Variants in ADA2 observed in about 807,000 individuals in gnomAD.
ADA2 encodes the protein adenosine deaminase CECR1.
ADA2 carries 29 observed loss-of-function variants against 44.2 expected under a neutral mutation model. The ratio of observed to expected loss-of-function variants is 0.66; its 90% CI spans 0.49 to 0.89. The LOEUF (loss-of-function observed/expected upper bound fraction) is 0.89. Among genes scored for constraint, ADA2 ranks in the 40% least tolerant of loss-of-function variants. The probability of loss-of-function intolerance (pLI) is 0.00; values close to 1 mark genes in which losing one functional copy is unlikely to be tolerated. For synonymous variants in ADA2, 215 were observed against 234.9 expected (o/e 0.92, Z 0.77); for missense variants, 637 against 644.8 (o/e 0.99, Z 0.13).
chr22:17,199,890 G>C, intron 4 of ADA2: 2 of 552,198 alleles, frequency 3.6e-6, no homozygotes, highest in Non-Finnish European at 2.8e-6. Context: ...GACCAGCCTG[G>C]GCAATATGGT....
At chr22:17,210,551 C>A (rs1312987875) in intron 1 of ADA2, among the ~76,000 whole-genome samples, 1 of 151,962 alleles carries the variant, frequency 6.6e-6, no homozygotes, top group Non-Finnish European at 1.5e-5. Context: ...CATAAAGACA[C>A]TGCAATCTGA....
intron 9 of ADA2, 99 bp downstream of exon 9, chr22:17,181,721 C>T: frequency 8.6e-7 from 1 of 1,165,012 alleles, no homozygotes; most frequent in Non-Finnish European, 1.3e-6. Context: ...AAGGAACCCA[C>T]AGGAACCATC....
In ADA2 at chr22:17,181,361, A is replaced by G; in HGVS notation, c.*122T>C. ...TTGCTCAGCCAGCCAAGTGCTTCTCACAGGGTCGCTCCATACAGAGGCCAT... is the reference window on the plus strand; with the variant it reads ...TTGCTCAGCCAGCCAAGTGCTTCTCGCAGGGTCGCTCCATACAGAGGCCAT... On this transcript the variant is annotated 3_prime_UTR_variant, in exon 10 of 10. Coordinates refer to ENST00000399837, the MANE Select transcript of ADA2 (RefSeq NM_001282225.2). 1.4e-6 allele frequency: 1 copy of G among 714,918 alleles called. No individual in the cohort carries two copies. Among genetic ancestry groups the G allele is most frequent in the South Asian group, 1.6e-5 (1 of 62,244 alleles). The allele number at this position is 714,918 out of a possible 1,614,324, so 44.3% of individuals were successfully genotyped here. A position where few individuals can be genotyped will look rare whatever the true frequency, so the allele number is the denominator to read the frequency against.
Position 17,178,941 on chromosome 22 carries a change from G to C in ADA2, c.*2542C>G. The C allele has an allele frequency of 6.6e-6, 1 of 152,126 alleles. No homozygotes were observed. The highest frequency in any genetic ancestry group is 1.5e-5 in the Non-Finnish European group (1 of 68,056). 9.4% of individuals were successfully genotyped at this position (152,126 alleles called of 1,614,324 possible). A position where few individuals can be genotyped will look rare whatever the true frequency, so the allele number is the denominator to read the frequency against. Reference sequence around the variant, plus strand: ...GGTAAGGCACTGAATCACCTGCAGAGTTAGACAGGACCCTAGAGGTTGTCT... The same window carrying C: ...GGTAAGGCACTGAATCACCTGCAGACTTAGACAGGACCCTAGAGGTTGTCT... On this transcript the variant is annotated 3_prime_UTR_variant, in exon 10 of 10. Coordinates refer to ENST00000399837, the MANE Select transcript of ADA2 (RefSeq NM_001282225.2).
chr22:17,209,242 A>T, intron 2 of ADA2, 114 bp downstream of exon 2: 1 of 886,438 alleles, frequency 1.1e-6, no homozygotes, highest in Non-Finnish European at 1.8e-6. Flanking sequence ...AGAACAGCTG[A>T]GTGAGGCTTT....
intron 7 of ADA2, among the ~76,000 whole-genome samples, chr22:17,183,348 G>T (rs905712370): frequency 1.3e-5 from 2 of 152,038 alleles, no homozygotes; most frequent in Non-Finnish European, 2.9e-5. Context: ...CTCCCAAAGT[G>T]CTGGGATTAC....
intron 7 of ADA2, among the ~76,000 whole-genome samples, chr22:17,183,521 C>T (rs1457278758): frequency 1.5e-5 from 2 of 132,720 alleles, no homozygotes; most frequent in Non-Finnish European, 1.5e-5. Flanking sequence ...AATGCAGTGG[C>T]GTAATCTTGG....
At chr22:17,205,736 T>G (rs1399141453) in intron 3 of ADA2, among the ~76,000 whole-genome samples, 1 of 152,210 alleles carries the variant, frequency 6.6e-6, no homozygotes, top group East Asian at 1.9e-4. Context: ...CCTAGCACTT[T>G]GGGAGGCCAA....
At chr22:17,182,302 C>A (rs2061981172) in intron 8 of ADA2, among the ~76,000 whole-genome samples, 1 of 152,136 alleles carries the variant, frequency 6.6e-6, no homozygotes, top group Admixed American at 6.6e-5. Context: ...CCCAAGAAAC[C>A]ATGGGGAGCA....
At chr22:17,204,546 G>C (rs140136953) in intron 3 of ADA2, among the ~76,000 whole-genome samples, 221 of 152,052 alleles carry the variant, frequency 1.5e-3, no homozygotes, top group African/African-American at 5.2e-3. Flanking sequence ...GGAAGTGGAG[G>C]TTGTAGTGAG....
upstream of ADA2, among the ~76,000 whole-genome samples, chr22:17,220,657 C>T (rs1039999978): frequency 1.2e-4 from 19 of 152,218 alleles, no homozygotes; most frequent in Middle Eastern, 3.4e-3. Context: ...TCTAAAGACT[C>T]GATTGCACCC....
chr22:17,203,560 C>T lies in ADA2; in HGVS notation c.753+3G>A. 6.2e-7 allele frequency: 1 copy of T among 1,610,674 alleles called. No homozygotes were observed. Among genetic ancestry groups the T allele is most frequent in the South Asian group, 1.1e-5 (1 of 90,940 alleles). On this transcript the variant is annotated splice_donor_region_variant and intron_variant, in intron 4 of 9. Coordinates refer to ENST00000399837, the MANE Select transcript of ADA2 (RefSeq NM_001282225.2). The stretch of plus-strand genomic sequence containing the variant: ...GAGGAACAGAGAGGAGAGCTGGGCT[C>T]ACCGGCAGCAGCCTGGCTCTGATCT...
chr22:17,187,904 A>T (rs2062055322), intron 7 of ADA2, among the ~76,000 whole-genome samples: 1 of 151,906 alleles, frequency 6.6e-6, no homozygotes, highest in Admixed American at 6.6e-5. Flanking sequence ...GGAGATCAAG[A>T]CCATCCTGGC....
In ADA2 at chr22:17,207,274, G is replaced by A. The variant is rs748674150; in HGVS notation, c.339C>T (p.Leu113=). The A allele has an allele frequency of 2.5e-6, 4 of 1,607,300 alleles. No individual in the cohort carries two copies. In the South Asian group the frequency reaches 4.4e-5, roughly 18 times the overall value. The change falls in exon 3 of 10, where the codon CTC becomes CTT. Residue 113 remains leucine, a synonymous_variant. Transcript: ENST00000399837. The part of the protein sequence containing the change: ...RMMPKGAALH[L]HDIGIVTMDW... ...CCATAGTCACGATGCCAATGTCATG[G>A]AGGTGCAAGGCAGCCCCTGGAGAGG...
In ADA2 at chr22:17,180,288, A is replaced by G. The variant is rs1139056; in HGVS notation, c.*1195T>C. Reference sequence around the variant, plus strand: ...CTTGGCAACAGCGTGCAGGTAGAGCACCACCGCTGGAGTCTGGATGCGGGA... The same window carrying G: ...CTTGGCAACAGCGTGCAGGTAGAGCGCCACCGCTGGAGTCTGGATGCGGGA... On this transcript the variant is annotated 3_prime_UTR_variant, in exon 10 of 10. Transcript: ENST00000399837. 54,304 of 152,076 alleles carry G rather than the reference A, an allele frequency of 0.36. 10,306 individuals are homozygous for G. Among genetic ancestry groups the G allele is most frequent in the African/African-American group, 0.49 (20,190 of 41,442 alleles). 9.4% of individuals were successfully genotyped at this position (152,076 alleles called of 1,614,324 possible). A position where few individuals can be genotyped will look rare whatever the true frequency, so the allele number is the denominator to read the frequency against.
In ADA2 at chr22:17,203,580, T is replaced by C; in HGVS notation, c.736A>G (p.Arg246Gly). Residue 246 changes from arginine (R) to glycine (G), a missense_variant, in exon 4 of 10, where the codon AGA becomes GGA. Arg to Gly is a moderately radical substitution (Grantham distance 125). Transcript: ENST00000399837. The stretch of plus-strand genomic sequence containing the variant: ...GGGCTCACCGGCAGCAGCCTGGCTC[T>C]GATCTCCATGTAGAGCACGTTGTCC... ...YEDNVLYMEI[R>G]ARLLPVYELS... The C allele has an allele frequency of 6.2e-7, 1 of 1,612,574 alleles. No homozygotes were observed. The highest frequency in any genetic ancestry group is 8.5e-7 in the Non-Finnish European group (1 of 1,179,888).
At chr22:17,188,128 A>AAGAGAAACTAGAAATAATACATGT in intron 7 of ADA2, among the ~76,000 whole-genome samples, 1 of 152,030 alleles carries the variant, frequency 6.6e-6, no homozygotes, top group Non-Finnish European at 1.5e-5. Context: ...GGAAAGAAGA[A>AAGAGAAACTAGAAATAATACATGT]AGAGAAACTA....
chr22:17,205,314 C>T (rs2062342130), intron 3 of ADA2, among the ~76,000 whole-genome samples: 1 of 152,114 alleles, frequency 6.6e-6, no homozygotes, highest in Non-Finnish European at 1.5e-5. Flanking sequence ...GCCACCACAC[C>T]CGGCCACCAG....
Position 17,181,835 on chromosome 22 carries a change from G to A in ADA2, c.1427C>T (p.Ala476Val). 1 of 1,613,328 alleles carries A rather than the reference G, an allele frequency of 6.2e-7. No individual in the cohort carries two copies. Among genetic ancestry groups the A allele is most frequent in the Non-Finnish European group, 8.5e-7 (1 of 1,179,722 alleles). ...GGACACTCACTTGATAGAGTTCATG[G>A]CCAGCTGTTTGAGGGTCCTCAGGTC... ...KADLRTLKQL[A>V]MNSIKYSTLL... is the part of the protein sequence containing the mutation. Residue 476 changes from alanine (A) to valine (V), a missense_variant, in exon 9 of 10, where the codon GCC (alanine) becomes GTC (valine). Transcript: ENST00000399837.
Sources: gnomAD v4.1 joint callset for allele counts (sites outside exome capture counted in the v4.1 genomes callset) on GRCh38, gnomAD v4.1.1 for gene constraint, MANE v1.5 for transcripts, NCBI Gene and HGNC (gene_info 2026-07-23, HGNC 2026-07-21) for gene names.